Variants in BST1 observed in about 807,000 individuals in gnomAD.
BST1 encodes the protein bone marrow stromal cell antigen 1, also known as ADP-ribosyl cyclase/cyclic ADP-ribose hydrolase 2.
A neutral mutation model predicts 40.6 loss-of-function variants in BST1; 49 were observed. That is an observed-to-expected ratio of 1.21 (90% CI 0.96 to 1.53). The LOEUF is 1.53. BST1 is among the 40% of genes most tolerant of loss of function. BST1 has a pLI of 0.00. For missense variants in BST1, 423 were observed against 395.9 expected (o/e 1.07, Z -0.58); for synonymous variants, 157 against 159.3 (o/e 0.99, Z 0.11).
chr4:15,716,026 G>A (rs1720497201), intron 6 of BST1, among the ~76,000 whole-genome samples: 2 of 152,312 alleles, frequency 1.3e-5, no homozygotes, highest in Admixed American at 1.3e-4. Flanking sequence ...CTCAGCCAGC[G>A]AAGACAGTGT....
chr4:15,756,385 T>C, the BST1 span, among the ~76,000 whole-genome samples: 1 of 152,302 alleles, frequency 6.6e-6, no homozygotes, highest in South Asian at 2.1e-4. Context: ...TCAATCGTGG[T>C]TTGTGGTTAA....
the BST1 span, among the ~76,000 whole-genome samples, chr4:15,748,032 C>T: frequency 1.3e-5 from 2 of 152,104 alleles, no homozygotes. Context: ...TGAGCCATTC[C>T]TACAGTTGTA....
chr4:15,770,294 C>T, the BST1 span, among the ~76,000 whole-genome samples: 1 of 152,154 alleles, frequency 6.6e-6, no homozygotes, highest in South Asian at 2.1e-4. Context: ...CCCCAGGTGT[C>T]CCCAAATCTG....
At chr4:15,714,860 A>C (rs747338075) in intron 4 of BST1, among the ~76,000 whole-genome samples, 1 of 152,244 alleles carries the variant, frequency 6.6e-6, no homozygotes, top group South Asian at 2.1e-4. Flanking sequence ...CTTTCCTGGC[A>C]ATCAGATATT....
chr4:15,714,862 T>C (rs1210636422), intron 4 of BST1, among the ~76,000 whole-genome samples: 3 of 152,144 alleles, frequency 2.0e-5, no homozygotes, highest in East Asian at 1.9e-4. Flanking sequence ...TTCCTGGCAA[T>C]CAGATATTTT....
At chr4:15,723,749 G>A in intron 8 of BST1, 1 of 498,344 alleles carries the variant, frequency 2.0e-6, no homozygotes, top group Non-Finnish European at 2.6e-6. Context: ...TTTAAATTTT[G>A]ATATGTTCTG....
At chr4:15,721,163 A>C (rs1339758083) in intron 7 of BST1, among the ~76,000 whole-genome samples, 1 of 152,164 alleles carries the variant, frequency 6.6e-6, no homozygotes, top group Non-Finnish European at 1.5e-5. Flanking sequence ...GAAAGGTATA[A>C]ATGGGAAAGT....
At chr4:15,707,717 T>A in intron 3 of BST1, 71 bp downstream of exon 3, 1 of 1,554,296 alleles carries the variant, frequency 6.4e-7, no homozygotes, top group East Asian at 2.3e-5. Flanking sequence ...TTGTGCTAAA[T>A]GCTTTCATAT....
chr4:15,703,333 G>A lies in BST1; in HGVS notation c.188+1G>A, dbSNP rs1176293590. On this transcript the variant is annotated splice_donor_variant, in intron 1 of 8. Transcript: ENST00000265016. LOFTEE classifies it high-confidence loss of function. The stretch of plus-strand genomic sequence containing the variant: ...GCGCACTGCTGAGTCCCGAGCAGCG[G>A]TGAGGCAGTCGGCCGGGTGGAAGGG... The A allele has an allele frequency of 1.3e-6, 2 of 1,496,976 alleles. No individual in the cohort carries two copies. Among genetic ancestry groups the A allele is most frequent in the Non-Finnish European group, 1.8e-6 (2 of 1,132,508 alleles). The allele number at this position is 1,496,976 out of a possible 1,614,324, so 92.7% of individuals were successfully genotyped here.
intron 1 of BST1, chr4:15,705,068 T>C: frequency 1.4e-6 from 1 of 700,984 alleles, no homozygotes; most frequent in Non-Finnish European, 2.6e-6. Context: ...TTGCCAGAGG[T>C]GGAAGCCTTT....
intron 4 of BST1, 141 bp from the exon 5 acceptor site, chr4:15,715,144 C>T (rs1577577380): frequency 1.4e-6 from 1 of 705,144 alleles, no homozygotes. Flanking sequence ...AACCAGTTTG[C>T]ATTTCTACTA....
chr4:15,768,579 C>G, the BST1 span, among the ~76,000 whole-genome samples: 1 of 151,420 alleles, frequency 6.6e-6, no homozygotes, highest in Non-Finnish European at 1.5e-5. Context: ...CTGCAAGCTC[C>G]GCTTCCCGGG....
At chr4:15,721,385 T>G (rs1182691922) in intron 7 of BST1, among the ~76,000 whole-genome samples, 2 of 152,196 alleles carry the variant, frequency 1.3e-5, no homozygotes, top group Non-Finnish European at 2.9e-5. Flanking sequence ...CAGTGAAAAC[T>G]CCATACCTGT....
intron 3 of BST1, among the ~76,000 whole-genome samples, chr4:15,708,996 T>C (rs1355220267): frequency 6.6e-6 from 1 of 152,162 alleles, no homozygotes; most frequent in South Asian, 2.1e-4. Flanking sequence ...TTCTAGACAG[T>C]AGGAAAACAG....
At chr4:15,751,668 T>C in the BST1 span, among the ~76,000 whole-genome samples, 2 of 151,988 alleles carry the variant, frequency 1.3e-5, no homozygotes, top group Admixed American at 1.3e-4. Flanking sequence ...GATCTATATT[T>C]ATATAGTATA....
intron 4 of BST1, among the ~76,000 whole-genome samples, chr4:15,712,688 G>A (rs777661527): frequency 1.4e-4 from 21 of 152,100 alleles, no homozygotes; most frequent in Non-Finnish European, 2.2e-4. Context: ...AAGGACCTTG[G>A]CCAAATCCTC....
intron 1 of BST1, among the ~76,000 whole-genome samples, chr4:15,704,745 C>G (rs963489493): frequency 6.6e-6 from 1 of 152,122 alleles, no homozygotes; most frequent in East Asian, 1.9e-4. Flanking sequence ...TTCCTTGAGT[C>G]CAGTCCTTCC....
chr4:15,728,707 A>G (rs1035963757), intron 8 of BST1, among the ~76,000 whole-genome samples: 3 of 134,242 alleles, frequency 2.2e-5, no homozygotes, highest in Admixed American at 8.2e-5. Flanking sequence ...CAGTGGCTTG[A>G]TCTTGGCTCA....
the BST1 span, among the ~76,000 whole-genome samples, chr4:15,765,554 A>G: frequency 6.6e-6 from 1 of 151,878 alleles, no homozygotes; most frequent in African/African-American, 2.4e-5. Flanking sequence ...CCAAACACAC[A>G]ATTAAATCTC....
Sources: gnomAD v4.1 joint callset for allele counts (sites outside exome capture counted in the v4.1 genomes callset) on GRCh38, gnomAD v4.1.1 for gene constraint, MANE v1.5 for transcripts, NCBI Gene and HGNC (gene_info 2026-07-23, HGNC 2026-07-21) for gene names.